The following NEDD1 variants were observed in gnomAD, a reference collection of about 807,000 sequenced individuals.
NEDD1 encodes NEDD1 gamma-tubulin ring complex targeting factor, also known as protein NEDD1.
Under a neutral mutation model 74.0 loss-of-function variants are expected in NEDD1, and 33 were observed. The ratio of observed to expected loss-of-function variants is 0.45; its 90% CI spans 0.34 to 0.60. NEDD1 has a LOEUF of 0.60. Among genes scored for constraint, NEDD1 ranks in the 20% least tolerant of loss-of-function variants. The probability of loss-of-function intolerance (pLI) is 0.01; values close to 1 mark genes in which losing one functional copy is unlikely to be tolerated. For synonymous variants in NEDD1, 250 were observed against 264.4 expected, an observed-to-expected ratio of 0.95 and a Z score of 0.53; for missense variants, 746 against 776.5, an observed-to-expected ratio of 0.96 and a Z score of 0.47.
At chr12:96,911,009 G>T (rs544715909) in intron 3 of NEDD1, among the ~76,000 whole-genome samples, 2 of 152,196 alleles carry the variant, frequency 1.3e-5, no homozygotes, top group Non-Finnish European at 2.9e-5. Context: ...TTTTCTTACT[G>T]AATTAAATTT....
At chr12:96,945,046 T>C (rs201788008) in intron 13 of NEDD1, among the ~76,000 whole-genome samples, 1 of 151,562 alleles carries the variant, frequency 6.6e-6, no homozygotes, top group East Asian at 1.9e-4. Context: ...TTTAATATGG[T>C]AGAGATAGAA....
chr12:96,934,182 A>G (rs1393806122), intron 6 of NEDD1, among the ~76,000 whole-genome samples: 1 of 150,794 alleles, frequency 6.6e-6, no homozygotes, highest in Non-Finnish European at 1.5e-5. Context: ...TCTAAAATAT[A>G]GAAAACAAAT....
At chr12:96,950,072 T>C (rs1452331316) in intron 14 of NEDD1, among the ~76,000 whole-genome samples, 1 of 151,954 alleles carries the variant, frequency 6.6e-6, no homozygotes, top group Non-Finnish European at 1.5e-5. Flanking sequence ...CCTGCAGTTC[T>C]CATATAAATA....
Position 96,942,657 on chromosome 12 carries a change from T to C in NEDD1, c.1294+33T>C, listed in dbSNP as rs776887589. The C allele has an allele frequency of 1.1e-5, 12 of 1,109,984 alleles. No homozygotes were observed. In the South Asian group the frequency reaches 1.2e-4, roughly 11 times the overall value. The allele number at this position is 1,109,984 out of a possible 1,614,324, so 68.8% of individuals were successfully genotyped here. A position where few individuals can be genotyped will look rare whatever the true frequency, so the allele number is the denominator to read the frequency against. ...CTACTTAGAAGTATTTTCGTGAAAA[T>C]GAAAAGTGAATTGTATTATCTATGC... On this transcript the variant is annotated intron_variant, in intron 11 of 15. Coordinates refer to ENST00000266742, the MANE Select transcript of NEDD1 (RefSeq NM_152905.4).
In NEDD1 at chr12:96,917,678, C is replaced by A; in HGVS notation, c.289C>A (p.Leu97Ile). 2 of 1,556,598 alleles carry A rather than the reference C, an allele frequency of 1.3e-6. No individual in the cohort carries two copies. Among genetic ancestry groups the A allele is most frequent in the Non-Finnish European group, 1.7e-6 (2 of 1,161,180 alleles). Residue 97 changes from leucine to isoleucine, a missense_variant, in exon 5 of 16, where the codon CTA (leucine) becomes ATA (isoleucine). This residue lies in a region of NEDD1 where 706 missense variants were observed against 706.7 expected (regional missense o/e 1.00). Transcript: ENST00000266742. ...STSMYLVSGG[L>I]NNTVNIWDLK... is the part of the protein sequence containing the mutation. ...ATCTATGTATTTGGTAAGCGGAGGC[C>A]TAAATAACACTGTTAATATTTGGGA...
At chr12:96,944,833 G>C in intron 13 of NEDD1, 38 bp downstream of exon 13, 1 of 1,432,692 alleles carries the variant, frequency 7.0e-7, no homozygotes, top group African/African-American at 1.5e-5. Context: ...GAAAGTGTTT[G>C]ATTGAAAAAT....
intron 6 of NEDD1, among the ~76,000 whole-genome samples, chr12:96,926,211 C>G (rs749318772): frequency 1.3e-4 from 20 of 152,004 alleles, no homozygotes; most frequent in Admixed American, 6.6e-4. Flanking sequence ...TTAATGTGTT[C>G]CCTCCAAACC....
chr12:96,930,907 T>G (rs1292403038), intron 6 of NEDD1, among the ~76,000 whole-genome samples: 1 of 152,162 alleles, frequency 6.6e-6, no homozygotes, highest in Non-Finnish European at 1.5e-5. Context: ...AACCAGTAAC[T>G]TCTCAGAGAC....
At chr12:96,929,623 A>ATATATATATT (rs773021014) in intron 6 of NEDD1, among the ~76,000 whole-genome samples, 2 of 126,190 alleles carry the variant, frequency 1.6e-5, no homozygotes, top group African/African-American at 6.1e-5. Context: ...ATATATATAT[A>ATATATATATT]TTTTTTTTTT....
intron 14 of NEDD1, among the ~76,000 whole-genome samples, chr12:96,947,037 T>C (rs1024404402): frequency 1.3e-5 from 2 of 152,230 alleles, no homozygotes; most frequent in African/African-American, 4.8e-5. Context: ...AAGGGTATTA[T>C]TCAATAATTA....
intron 6 of NEDD1, among the ~76,000 whole-genome samples, chr12:96,931,482 A>G (rs1456284382): frequency 6.6e-6 from 1 of 152,218 alleles, no homozygotes; most frequent in East Asian, 1.9e-4. Flanking sequence ...AAAATAGGCA[A>G]AGTAGAATAA....
intron 4 of NEDD1, among the ~76,000 whole-genome samples, chr12:96,916,262 T>TATTA (rs56027670): frequency 6.7e-6 from 1 of 149,196 alleles, no homozygotes; most frequent in Non-Finnish European, 1.5e-5. Context: ...TTATTATTAT[T>TATTA]TTTAAATTAT....
chr12:96,939,902 A>G lies in NEDD1; in HGVS notation c.1118-507A>G, dbSNP rs184175621. On this transcript the variant is annotated intron_variant, in intron 9 of 15. Coordinates refer to ENST00000266742, the MANE Select transcript of NEDD1 (RefSeq NM_152905.4). ...CAATGTTAAGCTCCCACTGTTAGTG[A>G]AAGAAAAGACAGAAAACCCCTTCAC... Among the ~76,000 whole-genome samples, 247 of 152,166 alleles carry G rather than the reference A, an allele frequency of 1.6e-3. 2 individuals carry two copies. The highest frequency in any genetic ancestry group is 5.6e-3 in the African/African-American group (233 of 41,564).
At chr12:96,946,457 T>A (rs888495787) in intron 14 of NEDD1, among the ~76,000 whole-genome samples, 1 of 152,208 alleles carries the variant, frequency 6.6e-6, no homozygotes, top group Non-Finnish European at 1.5e-5. Flanking sequence ...TAGTTAATGT[T>A]GTAGCTCAGA....
chr12:96,916,523 G>A (rs1874478192), intron 4 of NEDD1, among the ~76,000 whole-genome samples: 1 of 137,944 alleles, frequency 7.2e-6, no homozygotes, highest in Admixed American at 7.6e-5. Context: ...TTTTGTTCTT[G>A]CGATAGTTTA....
chr12:96,944,567 A>T, intron 12 of NEDD1, 72 bp from the exon 13 acceptor site: 1 of 867,972 alleles, frequency 1.2e-6, no homozygotes, highest in Non-Finnish European at 1.7e-6. Flanking sequence ...AGAGAGAAGT[A>T]GGCAAAAATT....
intron 3 of NEDD1, chr12:96,912,497 T>C (rs1187647231): frequency 1.1e-5 from 4 of 360,900 alleles, no homozygotes; most frequent in African/African-American, 6.3e-5. Context: ...AGCTTTTGAG[T>C]GATAGCAGAG....
chr12:96,908,863 CATT>C (rs1873599629), intron 2 of NEDD1, among the ~76,000 whole-genome samples: 1 of 152,076 alleles, frequency 6.6e-6, no homozygotes, highest in Non-Finnish European at 1.5e-5. Context: ...GGGAGACAGA[CATT>C]ATAAGAACAA....
intron 10 of NEDD1, among the ~76,000 whole-genome samples, 189 bp downstream of exon 10, chr12:96,940,726 T>C (rs1877583564): frequency 6.6e-6 from 1 of 152,102 alleles, no homozygotes; most frequent in South Asian, 2.1e-4. Flanking sequence ...TATATGCTGG[T>C]AATTTTCACA....
Sources: gnomAD v4.1 joint callset for allele counts (sites outside exome capture counted in the v4.1 genomes callset) on GRCh38, gnomAD v4.1.1 for gene constraint, gnomAD v4.1.1 regional missense constraint, MANE v1.5 for transcripts, NCBI Gene and HGNC (gene_info 2026-07-23, HGNC 2026-07-21) for gene names.